The following L3MBTL2 variants were observed in gnomAD, a reference collection of about 807,000 sequenced individuals.
L3MBTL2 encodes L3MBTL histone methyl-lysine binding protein 2, also known as lethal(3)malignant brain tumor-like protein 2.
L3MBTL2 carries 49 observed loss-of-function variants against 86.4 expected under a neutral mutation model. The observed-to-expected ratio is 0.57, with a 90% confidence interval of 0.45 to 0.72. The LOEUF is 0.72. Ranked by LOEUF, L3MBTL2 falls within the 30% of genes least tolerant of loss-of-function variation. The pLI, the probability that L3MBTL2 is intolerant of heterozygous loss-of-function variation, is 0.00. For missense variants in L3MBTL2, 755 were observed against 923.7 expected, an observed-to-expected ratio of 0.82 and a Z score of 2.37; for synonymous variants, 336 against 350.6, an observed-to-expected ratio of 0.96 and a Z score of 0.47.
rs531427805 is a variant in L3MBTL2, at chr22:41,206,704, C to T, written c.24+1318C>T. Reference sequence around the variant, plus strand: ...GTCCCAGCTACTCGGGAGGCTGAGGCGGGAGAATGGCGTGAACGTGGGAGG... The same window carrying T: ...GTCCCAGCTACTCGGGAGGCTGAGGTGGGAGAATGGCGTGAACGTGGGAGG... On this transcript the variant is annotated intron_variant, in intron 1 of 16. Coordinates refer to ENST00000216237, the MANE Select transcript of L3MBTL2 (RefSeq NM_031488.5). Among the ~76,000 whole-genome samples the T allele has an allele frequency of 1.9e-4, 29 of 151,718 alleles. No individual in the cohort carries two copies. In the South Asian group the frequency reaches 2.7e-3, roughly 14 times the overall value.
At chr22:41,209,376 G>A in intron 1 of L3MBTL2, 1 of 240,566 alleles carries the variant, frequency 4.2e-6, no homozygotes, top group Non-Finnish European at 8.3e-6. Context: ...CAAAGTGCTA[G>A]GATTACAGGC....
At chr22:41,226,996 C>T (rs911512853) in intron 13 of L3MBTL2, 93 bp from the exon 14 acceptor site, 2 of 1,133,538 alleles carry the variant, frequency 1.8e-6, no homozygotes, top group Non-Finnish European at 2.5e-6. Flanking sequence ...CCCCGCCCCT[C>T]CCTGCCAGTT....
rs138870411 is a variant in L3MBTL2 at position 41,230,173 on chromosome 22, C to T, written c.2040C>T (p.Asp680=). Residue 680 remains aspartate (D), a synonymous_variant, in exon 17 of 17, where the codon GAC becomes GAT. Coordinates refer to ENST00000216237, the MANE Select transcript of L3MBTL2 (RefSeq NM_031488.5). ...TGCGTGTGAAGGAAGAGCATCTAGA[C>T]GTGGCCTCGCCCGACAAGGCTTCAA... is the stretch of plus-strand genomic sequence containing the variant. The part of the protein sequence containing the change: ...IAVRVKEEHL[D]VASPDKASSP... 151 of 1,457,538 alleles carry T rather than the reference C, an allele frequency of 1.0e-4. No homozygotes were observed. In the African/African-American group the frequency reaches 1.1e-3, roughly 11 times the overall value. 90.3% of individuals were successfully genotyped at this position (1,457,538 alleles called of 1,614,324 possible). A position where few individuals can be genotyped will look rare whatever the true frequency, so the allele number is the denominator to read the frequency against.
In L3MBTL2 at chr22:41,231,208, C is replaced by A. The variant is rs988742370; in HGVS notation, c.*957C>A. 3 of 152,176 alleles carry A rather than the reference C, an allele frequency of 2.0e-5. No individual in the cohort carries two copies. The highest frequency in any genetic ancestry group is 7.2e-5 in the African/African-American group (3 of 41,426). The allele number at this position is 152,176 out of a possible 1,614,324, so 9.4% of individuals were successfully genotyped here. A position where few individuals can be genotyped will look rare whatever the true frequency, so the allele number is the denominator to read the frequency against. On this transcript the variant is annotated 3_prime_UTR_variant, in exon 17 of 17. Transcript: ENST00000216237. ...AGAGCTGGAGGACACATCTAGCTGC[C>A]ATTGCAACCTCACTGGGCTCCCCAG...
chr22:41,211,254 G>GC (rs1394466071), intron 2 of L3MBTL2, among the ~76,000 whole-genome samples: 9 of 152,134 alleles, frequency 5.9e-5, no homozygotes, highest in African/African-American at 2.2e-4. Context: ...TGGCTGCAGT[G>GC]CAGTGGTGTG....
At chr22:41,216,049 G>A in intron 3 of L3MBTL2, 90 bp from the exon 4 acceptor site, 1 of 1,424,944 alleles carries the variant, frequency 7.0e-7, no homozygotes. Context: ...TAAGTCACTG[G>A]CCCAAGCCCA....
intron 2 of L3MBTL2, among the ~76,000 whole-genome samples, chr22:41,211,598 C>G (rs902613245): frequency 1.5e-5 from 2 of 131,908 alleles, no homozygotes; most frequent in Non-Finnish European, 3.1e-5. Flanking sequence ...GCTCTGTCAC[C>G]CAGGCTGGAA....
Position 41,225,675 on chromosome 22 carries a change from G to A in L3MBTL2, c.1357-119G>A, listed in dbSNP as rs953864781. On this transcript the variant is annotated intron_variant, in intron 11 of 16. Transcript: ENST00000216237. The surrounding 1 kb of genome is among the most constrained non-coding windows in gnomAD (Gnocchi z 4.1). ...AGAGGCTCAGGTGTCCTCCAGGAGG[G>A]CCATGCCCTAGATCCGTTTGGATCC... The A allele has an allele frequency of 1.9e-6, 2 of 1,051,364 alleles. No individual in the cohort carries two copies. Among genetic ancestry groups the A allele is most frequent in the Admixed American group, 5.2e-5 (2 of 38,536 alleles). The allele number at this position is 1,051,364 out of a possible 1,614,324, so 65.1% of individuals were successfully genotyped here.
At chr22:41,208,210 C>T (rs1199681504) in intron 1 of L3MBTL2, 5 of 357,506 alleles carry the variant, frequency 1.4e-5, no homozygotes, top group Non-Finnish European at 2.2e-5. Flanking sequence ...TGGCTCACTA[C>T]AGCCTTGACC....
rs1569146486 is a variant in L3MBTL2 at position 41,220,880 on chromosome 22, A to C, written c.853+12A>C. 1.9e-6 allele frequency: 3 copies of C among 1,609,212 alleles called. No homozygotes were observed. The highest frequency in any genetic ancestry group is 2.6e-6 in the Non-Finnish European group (3 of 1,176,114). ...AGTGCCCCCACGGAGTGAGTTGATG[A>C]GAACATTTCCTCTCTTGTTCCCGTA... On this transcript the variant is annotated intron_variant, in intron 7 of 16. Coordinates refer to ENST00000216237, the MANE Select transcript of L3MBTL2 (RefSeq NM_031488.5).
chr22:41,206,416 G>A (rs1244798389), intron 1 of L3MBTL2, among the ~76,000 whole-genome samples: 2 of 152,016 alleles, frequency 1.3e-5, no homozygotes, highest in Non-Finnish European at 2.9e-5. Flanking sequence ...CTAACTCTTG[G>A]GCTCAAGCAA....
intron 2 of L3MBTL2, among the ~76,000 whole-genome samples, chr22:41,211,027 TG>T (rs2030736050): frequency 6.6e-6 from 1 of 152,024 alleles, no homozygotes; most frequent in South Asian, 2.1e-4. Context: ...AGGACTGGGT[TG>T]GGGGCGGGCA....
intron 8 of L3MBTL2, among the ~76,000 whole-genome samples, chr22:41,222,546 G>A (rs971706421): frequency 6.6e-6 from 1 of 152,176 alleles, no homozygotes; most frequent in African/African-American, 2.4e-5. Flanking sequence ...GGGAGGCCAA[G>A]GCAAGAGGAT....
Position 41,230,379 on chromosome 22 carries a change from T to A in L3MBTL2, c.*128T>A. The A allele has an allele frequency of 1.4e-6, 1 of 719,554 alleles. No homozygotes were observed. Among genetic ancestry groups the A allele is most frequent in the Non-Finnish European group, 2.4e-6 (1 of 418,554 alleles). The allele number at this position is 719,554 out of a possible 1,614,324, so 44.6% of individuals were successfully genotyped here. A position where few individuals can be genotyped will look rare whatever the true frequency, so the allele number is the denominator to read the frequency against. On this transcript the variant is annotated 3_prime_UTR_variant, in exon 17 of 17. Coordinates refer to ENST00000216237, the MANE Select transcript of L3MBTL2 (RefSeq NM_031488.5). The stretch of plus-strand genomic sequence containing the variant: ...TCTGTGTAAATTCTGCCCGGTGCTG[T>A]GAAGGCTGGACGGTGGAGGACCTGC...
At chr22:41,210,012 G>A in intron 2 of L3MBTL2, 79 bp downstream of exon 2, 2 of 1,547,520 alleles carry the variant, frequency 1.3e-6, no homozygotes, top group Non-Finnish European at 1.7e-6. Flanking sequence ...TAGGCTATAT[G>A]GGCAGAGCCA....
chr22:41,221,002 C>G lies in L3MBTL2; in HGVS notation c.853+134C>G. 2.7e-6 allele frequency: 3 copies of G among 1,100,812 alleles called. No homozygotes were observed. In the South Asian group the frequency reaches 4.8e-5, roughly 18 times the overall value. The allele number at this position is 1,100,812 out of a possible 1,614,324, so 68.2% of individuals were successfully genotyped here. ...AATCCACTTGCCCCCTGGCTTCCTG[C>G]CCTCCCCATCCCAGAGGCCTGGGGG... On this transcript the variant is annotated intron_variant, in intron 7 of 16. Transcript: ENST00000216237.
chr22:41,223,311 A>G (rs2031959348), intron 8 of L3MBTL2, among the ~76,000 whole-genome samples: 2 of 152,024 alleles, frequency 1.3e-5, no homozygotes, highest in South Asian at 4.1e-4. Flanking sequence ...CCTACACCCT[A>G]CCTGTTCCCT....
In L3MBTL2 at chr22:41,229,622, C is replaced by T. The variant is rs563094744; in HGVS notation, c.1971C>T (p.Ala657=). The T allele has an allele frequency of 6.2e-7, 1 of 1,613,908 alleles. No individual in the cohort carries two copies. The highest frequency in any genetic ancestry group is 1.1e-5 in the South Asian group (1 of 91,068). Reference sequence around the variant, plus strand: ...TGCTGGAGGACGACCCTCAGGGTGCCAGGAAGATCTCGTCGGAGCCTGTTC... The same window carrying T: ...TGCTGGAGGACGACCCTCAGGGTGCTAGGAAGATCTCGTCGGAGCCTGTTC... The part of the protein sequence containing the change: ...KPLLEDDPQG[A]RKISSEPVPG... Residue 657 remains alanine, a synonymous_variant, in exon 16 of 17, where the codon GCC becomes GCT. Coordinates refer to ENST00000216237, the MANE Select transcript of L3MBTL2 (RefSeq NM_031488.5).
intron 5 of L3MBTL2, chr22:41,217,688 C>T (rs977631072): frequency 6.3e-6 from 1 of 159,808 alleles, no homozygotes; most frequent in Admixed American, 6.2e-5. Flanking sequence ...GCGCAAGAAC[C>T]GAATATCCAG....
Sources: gnomAD v4.1 joint callset for allele counts (sites outside exome capture counted in the v4.1 genomes callset) on GRCh38, gnomAD v4.1.1 for gene constraint, Gnocchi (gnomAD v3.1) non-coding constraint, MANE v1.5 for transcripts, NCBI Gene and HGNC (gene_info 2026-07-23, HGNC 2026-07-21) for gene names.